Variants in PCDH15 observed in about 807,000 individuals in gnomAD.
PCDH15 encodes protocadherin-15.
PCDH15 carries 129 observed loss-of-function variants against 178.5 expected under a neutral mutation model. The ratio of observed to expected loss-of-function variants is 0.72; its 90% CI spans 0.63 to 0.84. PCDH15 has a LOEUF of 0.84. Among genes scored for constraint, PCDH15 ranks in the 40% least tolerant of loss-of-function variants. The pLI is 0.00. For missense variants in PCDH15, 2,230 were observed against 2,099.9 expected, an observed-to-expected ratio of 1.06 and a Z score of -1.21; for synonymous variants, 800 against 732.0, an observed-to-expected ratio of 1.09 and a Z score of -1.50.
chr10:54,208,529 C>A (rs182447013), intron 10 of PCDH15, among the ~76,000 whole-genome samples: 1 of 152,172 alleles, frequency 6.6e-6, no homozygotes, highest in African/African-American at 2.4e-5. Context: ...TCCTCTCATC[C>A]TCTTTCCACC....
At chr10:54,763,185 C>T (rs1268411675) in intron 1 of PCDH15, among the ~76,000 whole-genome samples, 1 of 152,062 alleles carries the variant, frequency 6.6e-6, no homozygotes. Flanking sequence ...GAGATAAACA[C>T]AAAGGGTAAT....
chr10:54,201,594 G>A (rs551876550), intron 10 of PCDH15, among the ~76,000 whole-genome samples: 54 of 151,702 alleles, frequency 3.6e-4, no homozygotes, highest in Non-Finnish European at 1.3e-4. Flanking sequence ...CTAAAATTTC[G>A]GACAATCCCT....
chr10:54,192,240 G>C (rs2049111930), intron 11 of PCDH15, among the ~76,000 whole-genome samples: 1 of 151,696 alleles, frequency 6.6e-6, no homozygotes, highest in Admixed American at 6.6e-5. Flanking sequence ...GAGGGAGAGA[G>C]GGAGAGAGGA....
At chr10:55,173,335 G>GTGTGTGTGTGTGTGTA (rs1264011279) in intron 1 of PCDH15, among the ~76,000 whole-genome samples, 5 of 150,692 alleles carry the variant, frequency 3.3e-5, no homozygotes, top group African/African-American at 1.2e-4. Context: ...GTGTGTGTGT[G>GTGTGTGTGTGTGTGTA]TGTGTGTGTG....
chr10:55,428,619 T>A (rs1344841632), intron 2 of PCDH15, among the ~76,000 whole-genome samples: 5 of 151,928 alleles, frequency 3.3e-5, no homozygotes, highest in Non-Finnish European at 7.4e-5. Flanking sequence ...GTGTTCATCT[T>A]TAAAGCAGTT....
At chr10:54,278,212 C>T (rs180695261) in intron 8 of PCDH15, among the ~76,000 whole-genome samples, 1,576 of 151,646 alleles carry the variant, frequency 0.01, 28 homozygotes, top group African/African-American at 0.036. Flanking sequence ...TCTACTATAA[C>T]TACACTCTTT....
intron 10 of PCDH15, among the ~76,000 whole-genome samples, chr10:54,201,658 A>G (rs2050239593): frequency 6.6e-6 from 1 of 152,164 alleles, no homozygotes; most frequent in African/African-American, 2.4e-5. Context: ...TGTATCTTTA[A>G]TTTTAATAGG....
At chr10:54,620,281 G>T (rs1332750047) in intron 2 of PCDH15, among the ~76,000 whole-genome samples, 2 of 151,776 alleles carry the variant, frequency 1.3e-5, no homozygotes, top group Non-Finnish European at 2.9e-5. Context: ...GGAAAATTAG[G>T]CAAAGATTGA....
At chr10:54,625,018 C>T (rs953853102) in intron 2 of PCDH15, among the ~76,000 whole-genome samples, 8 of 152,062 alleles carry the variant, frequency 5.3e-5, no homozygotes, top group Non-Finnish European at 1.2e-4. Context: ...ATCATCCCCC[C>T]ACCCCACTGG....
rs118145515 is a variant in PCDH15 at position 54,747,116 on chromosome 10, C to T, written c.-29+53809G>A. Among the ~76,000 whole-genome samples the T allele has an allele frequency of 7.0e-4, 107 of 152,284 alleles. 1 individual carries two copies. In the East Asian group the frequency reaches 0.019, roughly 27 times the overall value. ...CTTAATGCTAACTGCTTAGCACATA[C>T]CACATTTCCAGACTTTCAGAAATAA... is the stretch of plus-strand genomic sequence containing the variant. On this transcript the variant is annotated intron_variant, in intron 1 of 37. Transcript: ENST00000644397.
intron 2 of PCDH15, among the ~76,000 whole-genome samples, chr10:54,547,588 G>T (rs2086005656): frequency 6.6e-6 from 1 of 152,062 alleles, no homozygotes; most frequent in Non-Finnish European, 1.5e-5. Context: ...TATGTTTTTA[G>T]GTTAATCCAT....
intron 2 of PCDH15, among the ~76,000 whole-genome samples, chr10:54,626,301 A>G (rs2093547862): frequency 6.6e-6 from 1 of 152,144 alleles, no homozygotes; most frequent in Non-Finnish European, 1.5e-5. Context: ...AAGGAACACA[A>G]TAGGGGAAAT....
intron 1 of PCDH15, among the ~76,000 whole-genome samples, chr10:54,729,056 A>C (rs1942977353): frequency 6.6e-6 from 1 of 151,588 alleles, no homozygotes; most frequent in African/African-American, 2.4e-5. Flanking sequence ...TTTTTCACAT[A>C]ATTACAAAAA....
chr10:54,380,641 A>ATG (rs1324874352), intron 3 of PCDH15, among the ~76,000 whole-genome samples: 1 of 62,860 alleles, frequency 1.6e-5, no homozygotes, highest in Non-Finnish European at 2.8e-5. Context: ...GTGTGTATGC[A>ATG]TGTATATATA....
intron 2 of PCDH15, among the ~76,000 whole-genome samples, chr10:55,624,526 T>C (rs1220814942): frequency 6.6e-6 from 1 of 152,176 alleles, no homozygotes; most frequent in African/African-American, 2.4e-5. Context: ...AATACAATAT[T>C]CTTTTTGTCT....
intron 15 of PCDH15, among the ~76,000 whole-genome samples, chr10:54,132,212 C>T (rs565038399): frequency 6.6e-6 from 1 of 152,298 alleles, no homozygotes; most frequent in South Asian, 2.1e-4. Flanking sequence ...CAACTTGAAG[C>T]TGCATATTCA....
At chr10:53,995,497 G>C in intron 21 of PCDH15, 152 bp downstream of exon 21, 1 of 1,384,604 alleles carries the variant, frequency 7.2e-7, no homozygotes, top group Non-Finnish European at 9.9e-7. Flanking sequence ...CTCTGTACCT[G>C]TGGATGAAAT....
chr10:54,636,885 G>T (rs981828659), intron 2 of PCDH15, among the ~76,000 whole-genome samples: 4 of 151,900 alleles, frequency 2.6e-5, no homozygotes, highest in African/African-American at 9.6e-5. Context: ...ATTTTCAAAT[G>T]ATTTACACAA....
At chr10:54,342,237 A>T (rs1942372315) in intron 6 of PCDH15, among the ~76,000 whole-genome samples, 1 of 152,164 alleles carries the variant, frequency 6.6e-6, no homozygotes. Flanking sequence ...CTGGAGGCCT[A>T]GGAGGGAAAA....
Sources: allele counts gnomAD v4.1 joint callset (sites outside exome capture counted in the v4.1 genomes callset), GRCh38; gene constraint gnomAD v4.1.1; transcripts MANE v1.5; gene names NCBI Gene and HGNC (gene_info 2026-07-23, HGNC 2026-07-21).